KCNB2: variants seen among roughly 807,000 people sequenced by gnomAD.
The protein encoded by KCNB2 is potassium voltage-gated channel subfamily B member 2, also known as delayed rectifier potassium channel protein.
A neutral mutation model predicts 61.5 loss-of-function variants in KCNB2; 15 were observed. The observed-to-expected ratio is 0.24, with a 90% CI of 0.16 to 0.38. The LOEUF (loss-of-function observed/expected upper bound fraction) is 0.38. Ranked by LOEUF, KCNB2 falls within the 10% of genes least tolerant of loss-of-function variation. KCNB2 has a pLI of 1.00. For synonymous variants in KCNB2, 457 were observed against 446.0 expected (o/e 1.02, Z -0.31); for missense variants, 828 against 1,125.2 (o/e 0.74, Z 3.78).
At chr8:72,810,799 G>C (rs1356528484) in intron 2 of KCNB2, among the ~76,000 whole-genome samples, 2 of 152,162 alleles carry the variant, frequency 1.3e-5, no homozygotes, top group African/African-American at 4.8e-5. Flanking sequence ...CAATCTTGAT[G>C]TTTGGCAGAG....
At chr8:72,886,981 C>A (rs913498925) in intron 2 of KCNB2, among the ~76,000 whole-genome samples, 1 of 152,104 alleles carries the variant, frequency 6.6e-6, no homozygotes, top group Admixed American at 6.5e-5. Context: ...TTGCCCAATG[C>A]CAAAAGGATT....
At chr8:72,583,567 C>A (rs72668133) in intron 2 of KCNB2, among the ~76,000 whole-genome samples, 2,701 of 152,170 alleles carry the variant, frequency 0.018, 30 homozygotes, top group African/African-American at 0.031. Context: ...GGCTGTGTAG[C>A]CTCTTAGCAG....
At chr8:72,618,134 C>T (rs912531968) in intron 2 of KCNB2, among the ~76,000 whole-genome samples, 3 of 151,852 alleles carry the variant, frequency 2.0e-5, no homozygotes, top group Non-Finnish European at 4.4e-5. Context: ...ACCGAGATGG[C>T]AATGTAGACT....
At chr8:72,699,557 C>G (rs1807079384) in intron 2 of KCNB2, among the ~76,000 whole-genome samples, 2 of 152,094 alleles carry the variant, frequency 1.3e-5, no homozygotes, top group African/African-American at 2.4e-5. Flanking sequence ...CCTGTTCACT[C>G]TGATGCTAGT....
intron 2 of KCNB2, among the ~76,000 whole-genome samples, chr8:72,680,321 A>G (rs1806730824): frequency 6.6e-6 from 1 of 152,212 alleles, no homozygotes; most frequent in African/African-American, 2.4e-5. Flanking sequence ...GTGAACTCAG[A>G]AAGATAGGAA....
At chr8:72,901,218 A>G (rs13252491) in intron 2 of KCNB2, among the ~76,000 whole-genome samples, 30,717 of 152,088 alleles carry the variant, frequency 0.2, 3,245 homozygotes, top group Non-Finnish European at 0.23. Context: ...GCATAGACTT[A>G]CTGCAGGAGA....
At chr8:72,762,905 A>AGT in intron 2 of KCNB2, among the ~76,000 whole-genome samples, 1 of 145,458 alleles carries the variant, frequency 6.9e-6, no homozygotes. Context: ...ATATATATAT[A>AGT]GTGTGCAAAT....
chr8:72,805,448 G>A (rs143767825), intron 2 of KCNB2, among the ~76,000 whole-genome samples: 155 of 152,274 alleles, frequency 1.0e-3, no homozygotes, highest in African/African-American at 3.5e-3. Flanking sequence ...ATATGGTGCT[G>A]TGTGGATCCC....
chr8:72,889,616 G>A (rs191976149), intron 2 of KCNB2, among the ~76,000 whole-genome samples: 5 of 152,198 alleles, frequency 3.3e-5, no homozygotes. Flanking sequence ...GAGCCTGGGA[G>A]GTGGAGGCTG....
chr8:72,921,287 CT>C, intron 2 of KCNB2, among the ~76,000 whole-genome samples: 1 of 152,072 alleles, frequency 6.6e-6, no homozygotes, highest in East Asian at 1.9e-4. Context: ...TTCTATTCTA[CT>C]TTTTTTAAAA....
chr8:72,912,174 A>G (rs1430712074), intron 2 of KCNB2, among the ~76,000 whole-genome samples: 1 of 152,102 alleles, frequency 6.6e-6, no homozygotes, highest in African/African-American at 2.4e-5. Flanking sequence ...TTCCCAATTT[A>G]TGTCACTGTC....
intron 2 of KCNB2, among the ~76,000 whole-genome samples, chr8:72,575,434 C>G (rs1806781042): frequency 6.6e-6 from 1 of 151,954 alleles, no homozygotes; most frequent in African/African-American, 2.4e-5. Context: ...TGATATTTTC[C>G]TTTTTCTTAT....
chr8:72,547,957 A>G (rs1444530551), intron 1 of KCNB2, among the ~76,000 whole-genome samples: 1 of 152,194 alleles, frequency 6.6e-6, no homozygotes. Flanking sequence ...ATTTTAAGAA[A>G]TTGCCACAGC....
At chr8:72,842,539 A>G (rs1435474239) in intron 2 of KCNB2, among the ~76,000 whole-genome samples, 1 of 152,188 alleles carries the variant, frequency 6.6e-6, no homozygotes, top group East Asian at 1.9e-4. Flanking sequence ...CTGTGGTAGA[A>G]TTCGGCTGTG....
rs572756249 is a variant in KCNB2, at chr8:72,718,750, A to G, written c.579+150437A>G. 1.0e-3 allele frequency among the ~76,000 whole-genome samples: 153 copies of G among 152,182 alleles called. 1 individual carries two copies. Among genetic ancestry groups the G allele is most frequent in the African/African-American group, 3.5e-3 (147 of 41,512 alleles). On this transcript the variant is annotated intron_variant, in intron 2 of 2. Transcript: ENST00000523207. Reference sequence around the variant, plus strand: ...AATGGGTGCAGCACACCAACATGGCACATATATACATATGTAACAAACCTG... The same window carrying G: ...AATGGGTGCAGCACACCAACATGGCGCATATATACATATGTAACAAACCTG...
intron 2 of KCNB2, among the ~76,000 whole-genome samples, chr8:72,663,144 T>C (rs1806407271): frequency 6.6e-6 from 1 of 152,174 alleles, no homozygotes; most frequent in Admixed American, 6.5e-5. Flanking sequence ...TGCTTATATT[T>C]TTAGTTCTTG....
At chr8:72,799,722 C>G (rs1193609966) in intron 2 of KCNB2, among the ~76,000 whole-genome samples, 1 of 152,124 alleles carries the variant, frequency 6.6e-6, no homozygotes, top group Non-Finnish European at 1.5e-5. Context: ...CCTGCAGGCT[C>G]TGTACCAGAT....
intron 2 of KCNB2, among the ~76,000 whole-genome samples, chr8:72,766,827 T>G (rs1159741009): frequency 6.6e-6 from 1 of 152,162 alleles, no homozygotes. Context: ...GAGACATGTA[T>G]TAGTCCATTT....
intron 2 of KCNB2, among the ~76,000 whole-genome samples, chr8:72,902,554 G>C (rs191646681): frequency 1.7e-3 from 256 of 152,240 alleles, no homozygotes; most frequent in African/African-American, 5.8e-3. Flanking sequence ...CCTGGGGTTT[G>C]AGCTAGATTT....
Sources: gnomAD v4.1 joint callset for allele counts (sites outside exome capture counted in the v4.1 genomes callset) on GRCh38, gnomAD v4.1.1 for gene constraint, MANE v1.5 for transcripts, NCBI Gene and HGNC (gene_info 2026-07-23, HGNC 2026-07-21) for gene names.